SLC25A26: variants seen among roughly 807,000 people sequenced by gnomAD.
The protein encoded by SLC25A26 is solute carrier family 25 member 26.
A neutral mutation model predicts 37.8 loss-of-function variants in SLC25A26; 36 were observed. That is an observed-to-expected ratio of 0.95 (90% confidence interval 0.73 to 1.26). SLC25A26 has a LOEUF of 1.26. SLC25A26 is among the 50% of genes most tolerant of loss of function. The pLI is 0.00. For synonymous variants in SLC25A26, 129 were observed against 122.5 expected, an observed-to-expected ratio of 1.05 and a Z score of -0.35; for missense variants, 390 against 331.1, an observed-to-expected ratio of 1.18 and a Z score of -1.38.
At chr3:66,210,940 A>T (rs1426319947) in intron 1 of SLC25A26, among the ~76,000 whole-genome samples, 1 of 152,350 alleles carries the variant, frequency 6.6e-6, no homozygotes, top group East Asian at 1.9e-4. Flanking sequence ...AAGCAAACAT[A>T]TGTCTACTGA....
intron 5 of SLC25A26, among the ~76,000 whole-genome samples, chr3:66,278,205 AAAAC>A (rs999084373): frequency 1.3e-5 from 2 of 152,308 alleles, no homozygotes; most frequent in Admixed American, 6.5e-5. Flanking sequence ...TTGTTTTTAA[AAAAC>A]AAACTAAAAT....
chr3:66,352,536 ATG>A (rs1177541473), intron 6 of SLC25A26, among the ~76,000 whole-genome samples: 2 of 146,668 alleles, frequency 1.4e-5, no homozygotes, highest in African/African-American at 5.2e-5. Flanking sequence ...ATCATTTTTT[ATG>A]TGTGATAATT....
intron 1 of SLC25A26, among the ~76,000 whole-genome samples, chr3:66,195,262 A>G (rs2071026034): frequency 6.6e-6 from 1 of 152,074 alleles, no homozygotes; most frequent in Non-Finnish European, 1.5e-5. Context: ...CACCCGCTGT[A>G]ATCCCTTTGA....
Position 66,164,454 on chromosome 3 carries a change from T to C in SLC25A26, c.-354+30470T>C, listed in dbSNP as rs1015291483. Among the ~76,000 whole-genome samples, 38 of 152,084 alleles carry C rather than the reference T, an allele frequency of 2.5e-4. 1 individual carries two copies. The highest frequency in any genetic ancestry group is 4.4e-5 in the Non-Finnish European group (3 of 67,992). The stretch of plus-strand genomic sequence containing the variant: ...TCTTCTGATATATCAGTTTTTTTTT[T>C]AATGAGGGAGAAAAATCCTTTCCAG... On this transcript the variant is annotated intron_variant, in intron 1 of 10. Transcript: ENST00000676754.
chr3:66,219,564 T>C (rs2071414454), upstream of SLC25A26, among the ~76,000 whole-genome samples: 1 of 152,094 alleles, frequency 6.6e-6, no homozygotes, highest in African/African-American at 2.4e-5. Context: ...ACAGGCAGCT[T>C]AGGGAAAGGT....
At chr3:66,189,102 C>T (rs1452903675) in intron 1 of SLC25A26, among the ~76,000 whole-genome samples, 1 of 152,134 alleles carries the variant, frequency 6.6e-6, no homozygotes, top group African/African-American at 2.4e-5. Flanking sequence ...TCACCTTGAT[C>T]CTGATCCTAA....
intron 5 of SLC25A26, among the ~76,000 whole-genome samples, chr3:66,302,125 G>T (rs987718383): frequency 4.6e-5 from 7 of 152,164 alleles, no homozygotes; most frequent in East Asian, 1.9e-4. Flanking sequence ...TTTATCCCCA[G>T]TGTCTCTAAT....
At chr3:66,317,762 G>A (rs1426589701) in intron 5 of SLC25A26, among the ~76,000 whole-genome samples, 1 of 152,154 alleles carries the variant, frequency 6.6e-6, no homozygotes, top group African/African-American at 2.4e-5. Flanking sequence ...CCTCCTAGGG[G>A]CTCCTGTCAG....
intron 1 of SLC25A26, among the ~76,000 whole-genome samples, chr3:66,164,217 G>T (rs1028783278): frequency 6.6e-6 from 1 of 152,100 alleles, no homozygotes; most frequent in African/African-American, 2.4e-5. Context: ...GATACTCAAA[G>T]AATTTCCTAA....
chr3:66,198,495 C>A (rs2071073285), intron 1 of SLC25A26, among the ~76,000 whole-genome samples: 1 of 151,942 alleles, frequency 6.6e-6, no homozygotes, highest in African/African-American at 2.4e-5. Context: ...TCATGCTGTC[C>A]ATCCTGACCC....
chr3:66,186,811 G>A (rs1396343952), intron 1 of SLC25A26, among the ~76,000 whole-genome samples: 1 of 151,512 alleles, frequency 6.6e-6, no homozygotes, highest in African/African-American at 2.4e-5. Context: ...ATGGCCCTGA[G>A]CCTGACTTTG....
chr3:66,313,439 A>G (rs1245816077), intron 5 of SLC25A26, among the ~76,000 whole-genome samples: 5 of 152,152 alleles, frequency 3.3e-5, no homozygotes, highest in African/African-American at 1.2e-4. Context: ...TAGATGTGCC[A>G]TCTTATTTCT....
chr3:66,313,431 G>T (rs537429880), intron 5 of SLC25A26, among the ~76,000 whole-genome samples: 84 of 152,258 alleles, frequency 5.5e-4, no homozygotes, highest in Admixed American at 1.9e-3. Flanking sequence ...GATGGTTGTA[G>T]ATGTGCCATC....
At chr3:66,341,895 A>G (rs573497646) in intron 5 of SLC25A26, among the ~76,000 whole-genome samples, 9 of 152,302 alleles carry the variant, frequency 5.9e-5, no homozygotes, top group Non-Finnish European at 8.8e-5. Flanking sequence ...CTAGCAGACT[A>G]GCTTTGAATG....
At chr3:66,282,060 G>C (rs1003150856) in intron 5 of SLC25A26, among the ~76,000 whole-genome samples, 1 of 142,070 alleles carries the variant, frequency 7.0e-6, no homozygotes, top group Non-Finnish European at 1.5e-5. Context: ...GCCGGACTGC[G>C]GACTGCAGTG....
chr3:66,165,521 G>A (rs1358565343), intron 1 of SLC25A26, among the ~76,000 whole-genome samples: 1 of 152,092 alleles, frequency 6.6e-6, no homozygotes, highest in Non-Finnish European at 1.5e-5. Flanking sequence ...GTAAGATGGT[G>A]AGGTCTAGGG....
intron 1 of SLC25A26, among the ~76,000 whole-genome samples, chr3:66,160,703 G>A (rs2070345034): frequency 6.6e-6 from 1 of 152,208 alleles, no homozygotes; most frequent in African/African-American, 2.4e-5. Context: ...GGGAGGCTGA[G>A]GCAGGTGGAT....
chr3:66,182,722 G>C lies in SLC25A26; in HGVS notation c.-353-38020G>C, dbSNP rs868733483. ...CTCAACCTGCAGTGGGCGGCGGGGG[G>C]GGGGGGTGGGGTATCAGTAGAAAAG... On this transcript the variant is annotated intron_variant, in intron 1 of 10. Coordinates refer to the SLC25A26 transcript ENST00000676754. Among the ~76,000 whole-genome samples, 277 of 142,082 alleles carry C rather than the reference G, an allele frequency of 1.9e-3. 2 individuals are homozygous for C. The highest frequency in any genetic ancestry group is 2.5e-3 in the Non-Finnish European group (164 of 64,892). The allele number at this position is 142,082 out of a possible 152,430, so 93.2% of individuals were successfully genotyped here. A position where few individuals can be genotyped will look rare whatever the true frequency, so the allele number is the denominator to read the frequency against.
At chr3:66,269,686 A>G (rs1004061314) in intron 5 of SLC25A26, among the ~76,000 whole-genome samples, 9 of 152,140 alleles carry the variant, frequency 5.9e-5, no homozygotes, top group Non-Finnish European at 1.2e-4. Context: ...TTAAGGCTCT[A>G]TATACTATTT....
Sources: gnomAD v4.1 joint callset for allele counts (sites outside exome capture counted in the v4.1 genomes callset) on GRCh38, gnomAD v4.1.1 for gene constraint, MANE v1.5 for transcripts, NCBI Gene and HGNC (gene_info 2026-07-23, HGNC 2026-07-21) for gene names.